NXPE1: variants seen among roughly 807,000 people sequenced by gnomAD.
The protein encoded by NXPE1 is NXPE family member 1.
NXPE1 carries 31 observed loss-of-function variants against 33.3 expected under a neutral mutation model. That is an observed-to-expected ratio of 0.93 (90% CI 0.70 to 1.26). The LOEUF (loss-of-function observed/expected upper bound fraction) is 1.26, where lower values mean the gene tolerates loss of function less well. Ranked by LOEUF, NXPE1 falls within the 50% of genes most tolerant of loss-of-function variation. The pLI, the probability that NXPE1 is intolerant of heterozygous loss-of-function variation, is 0.00. For missense variants in NXPE1, 661 were observed against 655.6 expected (o/e 1.01, Z -0.09); for synonymous variants, 229 against 231.4 (o/e 0.99, Z 0.09).
rs1222744176 is a variant in NXPE1, at chr11:114,523,074, CT to C, written c.912del (p.Glu305ArgfsTer7). ...GGCTTCATTCCAACTTGGCATGTCTCTTCTATTTTTTCTCTCTCTGGTAACA... is the reference window on the plus strand; with the variant it reads ...GGCTTCATTCCAACTTGGCATGTCTCTCTATTTTTTCTCTCTCTGGTAACA... On this transcript the variant is annotated frameshift_variant, in exon 8 of 9. Transcript: ENST00000534921. LOFTEE classifies it high-confidence loss of function. The C allele has an allele frequency of 6.2e-7, 1 of 1,612,774 alleles. No individual in the cohort carries two copies. Among genetic ancestry groups the C allele is most frequent in the South Asian group, 1.1e-5 (1 of 91,000 alleles).
At chr11:114,527,469 C>T (rs1947404768) in intron 7 of NXPE1, among the ~76,000 whole-genome samples, 2 of 152,118 alleles carry the variant, frequency 1.3e-5, no homozygotes, top group African/African-American at 4.8e-5. Flanking sequence ...GTAATTGCAT[C>T]AACTAAATGT....
At chr11:114,542,304 A>G (rs1256581391) in intron 5 of NXPE1, among the ~76,000 whole-genome samples, 1 of 152,216 alleles carries the variant, frequency 6.6e-6, no homozygotes, top group Non-Finnish European at 1.5e-5. Flanking sequence ...CTTTAATTAT[A>G]AGAGTCACAG....
chr11:114,536,836 C>T (rs111908646), intron 5 of NXPE1, among the ~76,000 whole-genome samples: 30 of 152,226 alleles, frequency 2.0e-4, no homozygotes, highest in Non-Finnish European at 2.8e-4. Context: ...GATTCACAGC[C>T]GAATTCTACC....
chr11:114,543,057 C>A (rs1948156269), intron 5 of NXPE1, among the ~76,000 whole-genome samples: 1 of 152,062 alleles, frequency 6.6e-6, no homozygotes, highest in Non-Finnish European at 1.5e-5. Context: ...GAGTTTGAGA[C>A]CAGCCTGGGC....
At chr11:114,558,345 T>G (rs538226831) in intron 1 of NXPE1, among the ~76,000 whole-genome samples, 202 of 152,284 alleles carry the variant, frequency 1.3e-3, no homozygotes, top group African/African-American at 4.7e-3. Context: ...TAGGCACACA[T>G]AGAGAACAAA....
chr11:114,552,599 T>C (rs1948531808), intron 2 of NXPE1, among the ~76,000 whole-genome samples: 1 of 152,008 alleles, frequency 6.6e-6, no homozygotes, highest in Non-Finnish European at 1.5e-5. Flanking sequence ...AAGAAATCAA[T>C]CAAGGGGCTA....
chr11:114,543,965 A>G (rs959709126), intron 5 of NXPE1, among the ~76,000 whole-genome samples: 4 of 152,202 alleles, frequency 2.6e-5, no homozygotes, highest in African/African-American at 7.2e-5. Flanking sequence ...TGAAATTACA[A>G]AAAAGAAAAC....
intron 5 of NXPE1, among the ~76,000 whole-genome samples, chr11:114,544,471 G>A (rs1948208319): frequency 6.6e-6 from 1 of 152,152 alleles, no homozygotes; most frequent in Non-Finnish European, 1.5e-5. Context: ...AAGGCAATTT[G>A]ATGGAAAAAT....
chr11:114,557,725 T>G (rs1012578596), intron 1 of NXPE1, among the ~76,000 whole-genome samples: 5 of 150,046 alleles, frequency 3.3e-5, no homozygotes, highest in Non-Finnish European at 5.9e-5. Flanking sequence ...TTTTCATTCT[T>G]CTTTGCCGTT....
chr11:114,521,085 G>T (rs11215033), downstream of NXPE1, among the ~76,000 whole-genome samples: 4 of 151,954 alleles, frequency 2.6e-5, no homozygotes, highest in Non-Finnish European at 4.4e-5. Context: ...TAATTCTGTC[G>T]TTCTTTCTGT....
chr11:114,552,827 A>T (rs1212954422), intron 2 of NXPE1, 25 bp downstream of exon 2: 1 of 942,024 alleles, frequency 1.1e-6, no homozygotes, highest in Non-Finnish European at 1.3e-6. Context: ...CTTTAAACTT[A>T]TTCTGTAAAA....
chr11:114,535,335 T>C (rs1311654056), intron 5 of NXPE1, among the ~76,000 whole-genome samples: 1 of 151,976 alleles, frequency 6.6e-6, no homozygotes, highest in Non-Finnish European at 1.5e-5. Flanking sequence ...ACAAGCCAAA[T>C]TGTAAAGAAT....
exon 9 of NXPE1, chr11:114,522,243 C>T (rs1591249139): frequency 1.9e-6 from 3 of 1,614,092 alleles, no homozygotes; most frequent in East Asian, 4.5e-5. Context: ...GCCTTTTGAA[C>T]ACCGATGGCC....
At chr11:114,540,797 A>G (rs1432579951) in intron 5 of NXPE1, among the ~76,000 whole-genome samples, 1 of 129,318 alleles carries the variant, frequency 7.7e-6, no homozygotes, top group Non-Finnish European at 1.6e-5. Flanking sequence ...GCCTGAGGGC[A>G]GTCTACTAGC....
At chr11:114,541,345 C>G (rs950569354) in intron 5 of NXPE1, among the ~76,000 whole-genome samples, 6 of 152,128 alleles carry the variant, frequency 3.9e-5, no homozygotes, top group East Asian at 1.9e-4. Context: ...GACTATGAAA[C>G]AGCTATTATA....
chr11:114,540,860 T>G (rs1948071315), intron 5 of NXPE1, among the ~76,000 whole-genome samples: 1 of 66,286 alleles, frequency 1.5e-5, no homozygotes, highest in African/African-American at 1.3e-4. Context: ...TTTTTTTTTT[T>G]TTTTTTTTTT....
chr11:114,551,568 A>G, intron 3 of NXPE1, 127 bp from the exon 4 acceptor site: 1 of 219,242 alleles, frequency 4.6e-6, no homozygotes. Context: ...TTGGGGGAAG[A>G]TTAGGGATAG....
intron 5 of NXPE1, among the ~76,000 whole-genome samples, chr11:114,534,379 T>A (rs956693215): frequency 6.6e-6 from 1 of 152,120 alleles, no homozygotes; most frequent in Non-Finnish European, 1.5e-5. Flanking sequence ...TCAGAGCGCC[T>A]CTTCTCCTCC....
At chr11:114,539,388 C>G (rs1039868865) in intron 5 of NXPE1, among the ~76,000 whole-genome samples, 1 of 151,868 alleles carries the variant, frequency 6.6e-6, no homozygotes, top group African/African-American at 2.4e-5. Flanking sequence ...ACATATGTAA[C>G]AAACCTGCAC....
Sources: gnomAD v4.1 joint callset for allele counts (sites outside exome capture counted in the v4.1 genomes callset) on GRCh38, gnomAD v4.1.1 for gene constraint, MANE v1.5 for transcripts, NCBI Gene and HGNC (gene_info 2026-07-23, HGNC 2026-07-21) for gene names.